RFX3: variants seen among roughly 807,000 people sequenced by gnomAD.
RFX3 encodes the protein regulatory factor X3.
Under a neutral mutation model 98.6 loss-of-function variants are expected in RFX3, and 14 were observed. The observed-to-expected ratio is 0.14, with a 90% confidence interval of 0.09 to 0.22. RFX3 has a LOEUF of 0.22. RFX3 is among the 10% of genes least tolerant of loss of function. RFX3 has a pLI of 1.00. For missense variants in RFX3, 639 were observed against 926.9 expected (o/e 0.69, Z 4.03); for synonymous variants, 383 against 328.4 (o/e 1.17, Z -1.80).
At position 3,379,785 on chromosome 9, in the gene RFX3, C is replaced by T. The variant is rs140575883; in HGVS notation, c.117+15687G>A. ...TCAGCAGAGTATGTGACATACAGAT[C>T]AATAATTTGTACTTATATCTGTAAA... On this transcript the variant is annotated intron_variant, in intron 2 of 16. Coordinates refer to ENST00000617270, the MANE Select transcript of RFX3 (RefSeq NM_001282116.2). Among the ~76,000 whole-genome samples, 3 of 152,200 alleles carry T rather than the reference C, an allele frequency of 2.0e-5. No homozygotes were observed. In the East Asian group the frequency reaches 5.8e-4, roughly 29 times the overall value.
intron 5 of RFX3, among the ~76,000 whole-genome samples, chr9:3,299,691 G>T (rs986774394): frequency 1.3e-5 from 2 of 151,614 alleles, no homozygotes; most frequent in African/African-American, 2.4e-5. Flanking sequence ...TGTTTATGCA[G>T]CTTAATTCAA....
intron 2 of RFX3, among the ~76,000 whole-genome samples, chr9:3,355,284 G>C (rs904418402): frequency 6.6e-6 from 1 of 151,754 alleles, no homozygotes; most frequent in African/African-American, 2.4e-5. Context: ...GGGTAAAAAT[G>C]GGTGAGATCC....
At chr9:3,503,008 TGA>T (rs1392248744) in intron 1 of RFX3, among the ~76,000 whole-genome samples, 4 of 152,190 alleles carry the variant, frequency 2.6e-5, no homozygotes, top group African/African-American at 9.7e-5. Flanking sequence ...AGGAAAAACA[TGA>T]GAGAAGACTC....
At chr9:3,280,361 T>C (rs768059516) in intron 7 of RFX3, among the ~76,000 whole-genome samples, 1 of 151,808 alleles carries the variant, frequency 6.6e-6, no homozygotes, top group Non-Finnish European at 1.5e-5. Context: ...TTTGCTTTTC[T>C]TGCTTTAAGT....
intron 2 of RFX3, among the ~76,000 whole-genome samples, chr9:3,393,639 G>A (rs894046062): frequency 1.3e-5 from 2 of 151,652 alleles, no homozygotes; most frequent in Admixed American, 6.6e-5. Flanking sequence ...TCTCAATAAG[G>A]TTCAGAGTCT....
At chr9:3,265,194 A>G (rs1823461011) in intron 12 of RFX3, among the ~76,000 whole-genome samples, 1 of 152,186 alleles carries the variant, frequency 6.6e-6, no homozygotes, top group Non-Finnish European at 1.5e-5. Context: ...AGCGAGTATG[A>G]CTGAGGAGCT....
intron 4 of RFX3, 45 bp downstream of exon 4, chr9:3,330,214 G>A: frequency 6.3e-7 from 1 of 1,596,056 alleles, no homozygotes; most frequent in Non-Finnish European, 8.6e-7. Context: ...GTTCATTAGA[G>A]ACTATTAAAA....
At chr9:3,509,732 T>A (rs1440942547) in intron 1 of RFX3, among the ~76,000 whole-genome samples, 1 of 152,026 alleles carries the variant, frequency 6.6e-6, no homozygotes, top group East Asian at 1.9e-4. Flanking sequence ...GAAAAAAATA[T>A]GGAGTTCAAA....
chr9:3,482,127 C>T (rs917133386), intron 1 of RFX3, among the ~76,000 whole-genome samples: 9 of 151,398 alleles, frequency 5.9e-5, no homozygotes, highest in African/African-American at 1.9e-4. Flanking sequence ...CAAATGTCTA[C>T]GTAGAGAATT....
intron 2 of RFX3, among the ~76,000 whole-genome samples, chr9:3,355,014 T>C (rs1274666450): frequency 1.3e-5 from 2 of 151,844 alleles, no homozygotes; most frequent in Non-Finnish European, 2.9e-5. Context: ...ATAATATTCA[T>C]ATATATTTAG....
At chr9:3,243,823 G>T (rs2130895695) in intron 15 of RFX3, among the ~76,000 whole-genome samples, 1 of 152,206 alleles carries the variant, frequency 6.6e-6, no homozygotes, top group South Asian at 2.1e-4. Flanking sequence ...CCTTGAAATT[G>T]TTCCTACTCC....
intron 1 of RFX3, among the ~76,000 whole-genome samples, chr9:3,466,938 G>T (rs558088106): frequency 6.7e-6 from 1 of 149,916 alleles, no homozygotes; most frequent in Non-Finnish European, 1.5e-5. Flanking sequence ...CCAACCCCCG[G>T]AGGTATTCAT....
chr9:3,292,012 G>A (rs982043848), intron 6 of RFX3, among the ~76,000 whole-genome samples: 3 of 123,538 alleles, frequency 2.4e-5, no homozygotes, highest in East Asian at 2.5e-4. Flanking sequence ...AGCTGAGATC[G>A]TGCCACTGCA....
chr9:3,357,784 T>G (rs1293103357), intron 2 of RFX3, among the ~76,000 whole-genome samples: 1 of 152,066 alleles, frequency 6.6e-6, no homozygotes, highest in African/African-American at 2.4e-5. Context: ...TTTGAGGTGA[T>G]GGATATCCCA....
chr9:3,233,256 G>A (rs1016353760), intron 15 of RFX3, among the ~76,000 whole-genome samples: 8 of 152,166 alleles, frequency 5.3e-5, no homozygotes, highest in African/African-American at 1.4e-4. Context: ...GGCAATGATC[G>A]GCAGGATCCC....
chr9:3,507,759 T>C (rs906290224), intron 1 of RFX3, among the ~76,000 whole-genome samples: 1 of 152,032 alleles, frequency 6.6e-6, no homozygotes, highest in African/African-American at 2.4e-5. Flanking sequence ...GTAAGTGCTA[T>C]ATAAAGTTGT....
intron 5 of RFX3, among the ~76,000 whole-genome samples, chr9:3,297,992 T>C (rs1586931610): frequency 6.6e-6 from 1 of 151,954 alleles, no homozygotes; most frequent in South Asian, 2.1e-4. Flanking sequence ...AAGTATAAAA[T>C]AATCTTGTCT....
At chr9:3,493,531 A>C (rs1307643803) in intron 1 of RFX3, among the ~76,000 whole-genome samples, 1 of 151,546 alleles carries the variant, frequency 6.6e-6, no homozygotes, top group Non-Finnish European at 1.5e-5. Context: ...AAAAATACAA[A>C]AAATTTTCCG....
chr9:3,444,764 C>A (rs1845893779), intron 1 of RFX3, among the ~76,000 whole-genome samples: 1 of 152,136 alleles, frequency 6.6e-6, no homozygotes, highest in Non-Finnish European at 1.5e-5. Flanking sequence ...AATCAGTACC[C>A]ACAGAGGAGA....
Sources: gnomAD v4.1 joint callset for allele counts (sites outside exome capture counted in the v4.1 genomes callset) on GRCh38, gnomAD v4.1.1 for gene constraint, MANE v1.5 for transcripts, NCBI Gene and HGNC (gene_info 2026-07-23, HGNC 2026-07-21) for gene names.